The following NEDD9 variants were observed in gnomAD, a reference collection of about 807,000 sequenced individuals.
NEDD9 encodes enhancer of filamentation 1.
Under a neutral mutation model 76.6 loss-of-function variants are expected in NEDD9, and 26 were observed. The ratio of observed to expected loss-of-function variants is 0.34; its 90% confidence interval spans 0.25 to 0.47. The LOEUF (loss-of-function observed/expected upper bound fraction) is 0.47. Among genes scored for constraint, NEDD9 ranks in the 20% least tolerant of loss-of-function variants. NEDD9 has a pLI of 1.00. For synonymous variants in NEDD9, 392 were observed against 414.2 expected, an observed-to-expected ratio of 0.95 and a Z score of 0.65; for missense variants, 937 against 1,058.5, an observed-to-expected ratio of 0.89 and a Z score of 1.59.
chr6:11,282,945 C>A (rs1186415501), intron 3 of NEDD9, among the ~76,000 whole-genome samples: 5 of 152,208 alleles, frequency 3.3e-5, no homozygotes, highest in Admixed American at 2.0e-4. Flanking sequence ...TTATGATCAC[C>A]TACAATGCCC....
At chr6:11,293,475 T>G (rs900835356) in intron 3 of NEDD9, among the ~76,000 whole-genome samples, 11 of 152,282 alleles carry the variant, frequency 7.2e-5, no homozygotes, top group Admixed American at 7.2e-4. Context: ...TCCCCCCCTC[T>G]CAGCTTTATC....
chr6:11,201,717 T>A (rs988799756), intron 2 of NEDD9, among the ~76,000 whole-genome samples: 3 of 148,776 alleles, frequency 2.0e-5, no homozygotes, highest in East Asian at 1.9e-4. Context: ...ATATATATAT[T>A]TTGTCATTTT....
intron 3 of NEDD9, among the ~76,000 whole-genome samples, chr6:11,262,760 A>C (rs1364412647): frequency 6.6e-6 from 1 of 152,290 alleles, no homozygotes; most frequent in African/African-American, 2.4e-5. Flanking sequence ...AGTTAAATAC[A>C]TGGAAAATGG....
chr6:11,185,123 GTAACCGTTAA>G lies in NEDD9; in HGVS notation c.*29_*38del. On this transcript the variant is annotated 3_prime_UTR_variant, in exon 7 of 7. Transcript: ENST00000379446. ...CAGACAGTATTTCCAGTTTTCCTTAGTAACCGTTAACGCAGTCCCCTTCCTCTTTTTTTTC... is the reference window on the plus strand; with the variant it reads ...CAGACAGTATTTCCAGTTTTCCTTAGCGCAGTCCCCTTCCTCTTTTTTTTC... 6.4e-7 allele frequency: 1 copy of G among 1,551,218 alleles called. No homozygotes were observed. The highest frequency in any genetic ancestry group is 1.9e-5 in the Admixed American group (1 of 51,342).
intron 3 of NEDD9, among the ~76,000 whole-genome samples, chr6:11,265,194 A>G (rs1760180703): frequency 2.0e-5 from 3 of 152,274 alleles, no homozygotes; most frequent in Admixed American, 2.0e-4. Flanking sequence ...CTAAATGTCA[A>G]TATGAAACTA....
chr6:11,203,027 T>C (rs765877320), intron 2 of NEDD9, among the ~76,000 whole-genome samples: 9 of 152,210 alleles, frequency 5.9e-5, no homozygotes, highest in Non-Finnish European at 1.2e-4. Flanking sequence ...GCCCCTAGCA[T>C]GTCCCCCCTG....
chr6:11,336,526 AGT>A (rs1762164700), intron 1 of NEDD9, among the ~76,000 whole-genome samples: 2 of 152,220 alleles, frequency 1.3e-5, no homozygotes, highest in South Asian at 4.1e-4. Flanking sequence ...AAAGGTAAAA[AGT>A]GGCACATCTG....
At chr6:11,380,686 A>G (rs912415085) in intron 1 of NEDD9, among the ~76,000 whole-genome samples, 1 of 152,212 alleles carries the variant, frequency 6.6e-6, no homozygotes, top group Non-Finnish European at 1.5e-5. Context: ...GCCATTCAAG[A>G]TAGCTCTTTC....
chr6:11,233,109 C>CG (rs1759530078), upstream of NEDD9, among the ~76,000 whole-genome samples: 1 of 151,996 alleles, frequency 6.6e-6, no homozygotes, highest in Non-Finnish European at 1.5e-5. Context: ...TTTCTGTCTC[C>CG]GGGCCCCTTT....
intron 1 of NEDD9, among the ~76,000 whole-genome samples, chr6:11,361,625 T>G (rs942196718): frequency 6.6e-6 from 1 of 152,158 alleles, no homozygotes; most frequent in Non-Finnish European, 1.5e-5. Context: ...AACATGAGAT[T>G]TTTGGGTGGG....
At chr6:11,196,287 G>T (rs1758290996) in intron 2 of NEDD9, among the ~76,000 whole-genome samples, 1 of 152,164 alleles carries the variant, frequency 6.6e-6, no homozygotes, top group African/African-American at 2.4e-5. Context: ...CTGGGTGACA[G>T]AGAGAGACTC....
intron 3 of NEDD9, among the ~76,000 whole-genome samples, chr6:11,269,191 T>C (rs1198539989): frequency 2.0e-5 from 3 of 152,212 alleles, no homozygotes; most frequent in African/African-American, 7.2e-5. Flanking sequence ...CTCTGGACTT[T>C]GTCTGGTTAG....
At chr6:11,328,177 G>A (rs1482538085) in intron 2 of NEDD9, among the ~76,000 whole-genome samples, 2 of 152,206 alleles carry the variant, frequency 1.3e-5, no homozygotes, top group Non-Finnish European at 2.9e-5. Flanking sequence ...GGGAGTGCGT[G>A]CATTGGTGGG....
intron 1 of NEDD9, among the ~76,000 whole-genome samples, chr6:11,225,483 T>TTTTG (rs561648966): frequency 3.3e-5 from 5 of 151,920 alleles, no homozygotes; most frequent in Non-Finnish European, 5.9e-5. Context: ...AGACTAGCTG[T>TTTTG]TTTGTTTGTT....
Position 11,190,976 on chromosome 6 carries a change from G to T in NEDD9, c.893C>A (p.Ser298Tyr). 1 of 1,614,020 alleles carries T rather than the reference G, an allele frequency of 6.2e-7. No individual in the cohort carries two copies. The highest frequency in any genetic ancestry group is 8.5e-7 in the Non-Finnish European group (1 of 1,180,014). Residue 298 changes from serine to tyrosine, a missense_variant, in exon 5 of 7, where the codon TCC (serine) becomes TAC (tyrosine). Ser to Tyr is a moderately radical substitution (Grantham distance 144, BLOSUM62 -2). Coordinates refer to ENST00000379446, the MANE Select transcript of NEDD9 (RefSeq NM_006403.4). This position sits in a 1 kb window ranked among gnomAD's most constrained non-coding sequence, Gnocchi z 5.8. ...GAGTTGCGGGGGTGGGTGATTCGGG[G>T]ACAGGCTCTGGTGCCTTCGAGCCAC... ...EPVARRHQSLSPNHPPPQLGQ... is the reference protein window; with the variant it reads ...EPVARRHQSLYPNHPPPQLGQ...
chr6:11,314,944 T>C (rs1463402636), intron 2 of NEDD9, among the ~76,000 whole-genome samples: 1 of 152,188 alleles, frequency 6.6e-6, no homozygotes, highest in Non-Finnish European at 1.5e-5. Context: ...GAAAAGGCCT[T>C]TATCAGTTAT....
chr6:11,319,508 ACACACTAACATGCACACT>A (rs1201702441), intron 2 of NEDD9, among the ~76,000 whole-genome samples: 3 of 125,012 alleles, frequency 2.4e-5, no homozygotes, highest in African/African-American at 6.6e-5. Context: ...TCATGCACAC[ACACACTAACATGCACACT>A]CACACTAACA....
chr6:11,239,413 A>G (rs1160559678), intron 3 of NEDD9, among the ~76,000 whole-genome samples: 2 of 152,180 alleles, frequency 1.3e-5, no homozygotes, highest in Admixed American at 6.5e-5. Flanking sequence ...GTCTGTGCAC[A>G]CTGCCTTCAC....
intron 2 of NEDD9, among the ~76,000 whole-genome samples, chr6:11,204,517 T>C (rs10947017): frequency 0.22 from 33,203 of 151,820 alleles, 4,115 homozygotes; most frequent in African/African-American, 0.31. Context: ...GTCAGGAGTT[T>C]GAGACCAGCC....
Sources: gnomAD v4.1 joint callset for allele counts (sites outside exome capture counted in the v4.1 genomes callset) on GRCh38, gnomAD v4.1.1 for gene constraint, Gnocchi (gnomAD v3.1) non-coding constraint, MANE v1.5 for transcripts, NCBI Gene and HGNC (gene_info 2026-07-23, HGNC 2026-07-21) for gene names.